CIMIP6: variants seen among roughly 807,000 people sequenced by gnomAD.
The protein encoded by CIMIP6 is uncharacterized protein C2orf73.
chr2:54,358,853 C>T, the CIMIP6 span: 2 of 534,294 alleles, frequency 3.7e-6, no homozygotes, highest in African/African-American at 4.0e-5. Flanking sequence ...ATCTTGCATA[C>T]TTCAAGAATT....
At chr2:54,381,940 T>A in the CIMIP6 span, 1 of 1,549,962 alleles carries the variant, frequency 6.5e-7, no homozygotes, top group Non-Finnish European at 8.7e-7. Context: ...CATGTTTTTT[T>A]AGGTGGTTTC....
the CIMIP6 span, among the ~76,000 whole-genome samples, chr2:54,379,510 T>C: frequency 1.3e-5 from 2 of 152,146 alleles, no homozygotes; most frequent in Non-Finnish European, 2.9e-5. Context: ...TAGGTGATTC[T>C]TAAGTAGTCT....
At chr2:54,352,656 G>C in the CIMIP6 span, among the ~76,000 whole-genome samples, 42 of 152,224 alleles carry the variant, frequency 2.8e-4, no homozygotes, top group Middle Eastern at 3.4e-3. Context: ...CAGGGGATTG[G>C]TTTCAGGACC....
chr2:54,374,489 A>C, the CIMIP6 span, among the ~76,000 whole-genome samples: 2 of 152,218 alleles, frequency 1.3e-5, no homozygotes. Context: ...AGGATTTTAA[A>C]ATTTTAAGTA....
the CIMIP6 span, among the ~76,000 whole-genome samples, chr2:54,338,201 AGGC>A: frequency 6.6e-6 from 1 of 152,164 alleles, no homozygotes; most frequent in Non-Finnish European, 1.5e-5. Context: ...TGGAAGGCCA[AGGC>A]AGGAGGGTAA....
At chr2:54,361,935 G>A in the CIMIP6 span, among the ~76,000 whole-genome samples, 1 of 152,090 alleles carries the variant, frequency 6.6e-6, no homozygotes, top group Non-Finnish European at 1.5e-5. Context: ...TCAAATGGCT[G>A]GCCTGTCAGT....
chr2:54,340,275 CTTATT>C, the CIMIP6 span, among the ~76,000 whole-genome samples: 2 of 16,846 alleles, frequency 1.2e-4, 1 homozygote, highest in Non-Finnish European at 4.5e-4. Context: ...AACTTCCCAG[CTTATT>C]TTGTCATAAA....
chr2:54,350,566 TG>T, the CIMIP6 span, among the ~76,000 whole-genome samples: 1 of 152,262 alleles, frequency 6.6e-6, no homozygotes, highest in African/African-American at 2.4e-5. Flanking sequence ...TTAAAGTTTA[TG>T]GCTAGTACTG....
chr2:54,343,849 A>G, the CIMIP6 span: 2 of 1,605,778 alleles, frequency 1.2e-6, no homozygotes, highest in Non-Finnish European at 1.7e-6. Flanking sequence ...ACACAGCAAG[A>G]TGCAAAAGCC....
chr2:54,341,816 T>A, the CIMIP6 span, among the ~76,000 whole-genome samples: 7 of 152,058 alleles, frequency 4.6e-5, no homozygotes, highest in Non-Finnish European at 8.8e-5. Flanking sequence ...GACCTTGGGG[T>A]GTAATAAGCA....
the CIMIP6 span, among the ~76,000 whole-genome samples, chr2:54,355,112 G>C: frequency 6.6e-6 from 1 of 151,904 alleles, no homozygotes; most frequent in Non-Finnish European, 1.5e-5. Context: ...AATTTGGTTG[G>C]ATATAAAAAC....
chr2:54,382,101 C>A, the CIMIP6 span: 1 of 1,247,872 alleles, frequency 8.0e-7, no homozygotes, highest in Middle Eastern at 2.8e-4. Flanking sequence ...TTACAAAGCA[C>A]AAATTTCCTA....
the CIMIP6 span, among the ~76,000 whole-genome samples, chr2:54,365,595 C>CTGCCTT: frequency 1.3e-5 from 2 of 152,284 alleles, no homozygotes; most frequent in African/African-American, 2.4e-5. Context: ...TATGCTGGCT[C>CTGCCTT]TGCCTTTGCC....
At chr2:54,349,826 T>C in the CIMIP6 span, among the ~76,000 whole-genome samples, 1 of 152,070 alleles carries the variant, frequency 6.6e-6, no homozygotes, top group Admixed American at 6.5e-5. Context: ...CTCCCCCCTT[T>C]ATTTCCGTGA....
the CIMIP6 span, among the ~76,000 whole-genome samples, chr2:54,379,333 TG>T: frequency 6.6e-6 from 1 of 152,234 alleles, no homozygotes; most frequent in Non-Finnish European, 1.5e-5. Flanking sequence ...TTTTATCCTT[TG>T]GCTTCTATTT....
At chr2:54,382,220 C>T in the CIMIP6 span, among the ~76,000 whole-genome samples, 2 of 152,122 alleles carry the variant, frequency 1.3e-5, no homozygotes, top group Non-Finnish European at 1.5e-5. Context: ...ACACAATATT[C>T]TAAATCACTA....
chr2:54,343,999 C>T, the CIMIP6 span: 1 of 890,026 alleles, frequency 1.1e-6, no homozygotes, highest in Non-Finnish European at 1.6e-6. Flanking sequence ...AAAATACACA[C>T]ACAGCAAATA....
the CIMIP6 span, among the ~76,000 whole-genome samples, chr2:54,331,735 C>G: frequency 6.6e-6 from 1 of 151,730 alleles, no homozygotes; most frequent in Non-Finnish European, 1.5e-5. Flanking sequence ...TGGCTTCAAC[C>G]AAGGCATCCA....
At chr2:54,370,420 G>T in the CIMIP6 span, among the ~76,000 whole-genome samples, 6 of 151,096 alleles carry the variant, frequency 4.0e-5, no homozygotes, top group Non-Finnish European at 5.9e-5. Flanking sequence ...ACTCAAAGGT[G>T]TATTACAATT....
Sources: allele counts gnomAD v4.1 joint callset (sites outside exome capture counted in the v4.1 genomes callset), GRCh38; gene constraint gnomAD v4.1.1; transcripts MANE v1.5; gene names NCBI Gene and HGNC (gene_info 2026-07-23, HGNC 2026-07-21).